The following AFF3 variants were observed in gnomAD, a reference collection of about 807,000 sequenced individuals.
The protein encoded by AFF3 is AF4/FMR2 family member 3.
In AFF3, 32 loss-of-function variants were observed where a neutral mutation model predicts 129.7. The ratio of observed to expected loss-of-function variants is 0.25; its 90% confidence interval spans 0.19 to 0.33. The LOEUF (loss-of-function observed/expected upper bound fraction) is 0.33. Among genes scored for constraint, AFF3 ranks in the 10% least tolerant of loss-of-function variants. The pLI, the probability that AFF3 is intolerant of heterozygous loss-of-function variation, is 1.00. For synonymous variants in AFF3, 644 were observed against 635.4 expected (o/e 1.01, Z -0.20); for missense variants, 1,373 against 1,592.0 (o/e 0.86, Z 2.34).
intron 12 of AFF3, among the ~76,000 whole-genome samples, chr2:99,657,239 GCTCT>G (rs1015593420): frequency 1.3e-5 from 2 of 152,130 alleles, no homozygotes; most frequent in African/African-American, 4.8e-5. Context: ...TGATTTTCTG[GCTCT>G]CTGTCTATCA....
At chr2:99,660,853 G>A (rs560085136) in intron 12 of AFF3, among the ~76,000 whole-genome samples, 1 of 152,308 alleles carries the variant, frequency 6.6e-6, no homozygotes, top group East Asian at 1.9e-4. Context: ...GAATTGGGAA[G>A]TGCCAAGGGA....
At chr2:99,971,650 C>G (rs1678391104) in intron 7 of AFF3, among the ~76,000 whole-genome samples, 2 of 152,084 alleles carry the variant, frequency 1.3e-5, no homozygotes, top group African/African-American at 4.8e-5. Flanking sequence ...AGTTTTGATC[C>G]ACTTTGTATT....
At chr2:100,044,132 G>A (rs1032858554) in intron 4 of AFF3, among the ~76,000 whole-genome samples, 3 of 152,162 alleles carry the variant, frequency 2.0e-5, no homozygotes, top group African/African-American at 4.8e-5. Context: ...GGTGGTGTGC[G>A]GCTGTCTTGA....
intron 18 of AFF3, 106 bp from the exon 19 acceptor site, chr2:99,569,021 C>T (rs1380554903): frequency 9.3e-7 from 1 of 1,080,260 alleles, no homozygotes; most frequent in Non-Finnish European, 1.4e-6. Flanking sequence ...AAAAACTCTG[C>T]TTAATGCGGA....
chr2:99,985,966 C>T (rs1046520019), intron 7 of AFF3, among the ~76,000 whole-genome samples: 3 of 151,872 alleles, frequency 2.0e-5, no homozygotes, highest in South Asian at 2.1e-4. Context: ...TTTGGGAGGC[C>T]GAGGTGGGCG....
chr2:99,782,022 A>C (rs1684449317), intron 8 of AFF3, among the ~76,000 whole-genome samples: 1 of 152,136 alleles, frequency 6.6e-6, no homozygotes, highest in Admixed American at 6.5e-5. Context: ...TATCTGGGGG[A>C]CTTCAGTTCA....
At chr2:99,683,492 C>T (rs552183345) in intron 11 of AFF3, among the ~76,000 whole-genome samples, 7 of 151,854 alleles carry the variant, frequency 4.6e-5, no homozygotes, top group Non-Finnish European at 7.4e-5. Context: ...TTGTTGCCCA[C>T]GCTGGAGTGC....
At chr2:100,046,912 T>C (rs1473223605) in intron 4 of AFF3, among the ~76,000 whole-genome samples, 2 of 152,028 alleles carry the variant, frequency 1.3e-5, no homozygotes, top group Non-Finnish European at 2.9e-5. Context: ...TTTGAAACTA[T>C]TTCAGAATAG....
In AFF3 at chr2:99,561,778, C is replaced by G. The variant is rs539929305; in HGVS notation, c.3120-1342G>C. Among the ~76,000 whole-genome samples the G allele has an allele frequency of 9.9e-5, 15 of 152,060 alleles. No individual in the cohort carries two copies. The South Asian group carries it at 3.1e-3, about 31-fold the overall frequency. On this transcript the variant is annotated intron_variant, in intron 20 of 24. Coordinates refer to ENST00000672756, the MANE Select transcript of AFF3 (RefSeq NM_001386135.1). ...TATGTGTCTGTTCTTCCTTCTTTCC[C>G]AATGCTCCCATATTCCTTCTTTTGT...
intron 13 of AFF3, among the ~76,000 whole-genome samples, chr2:99,627,737 T>C (rs1336289028): frequency 1.1e-4 from 16 of 152,212 alleles, no homozygotes; most frequent in Non-Finnish European, 1.5e-5. Flanking sequence ...CTATCTCGAG[T>C]TGATTTTTGT....
At chr2:100,138,189 C>T (rs1333320404) in intron 1 of AFF3, among the ~76,000 whole-genome samples, 2 of 152,178 alleles carry the variant, frequency 1.3e-5, no homozygotes, top group African/African-American at 4.8e-5. Flanking sequence ...GATGCCTCAC[C>T]ATGCATAGAT....
chr2:99,603,240 A>G (rs1040536213), intron 13 of AFF3, among the ~76,000 whole-genome samples: 2 of 152,136 alleles, frequency 1.3e-5, no homozygotes, highest in East Asian at 3.9e-4. Context: ...ATGAACAAAA[A>G]TCTGTCTTTC....
At chr2:99,993,788 T>G (rs1270536693) in intron 7 of AFF3, among the ~76,000 whole-genome samples, 1 of 144,246 alleles carries the variant, frequency 6.9e-6, no homozygotes, top group Non-Finnish European at 1.5e-5. Context: ...TACAAACACT[T>G]TATCTTTTTT....
chr2:99,653,969 T>C (rs372732133), intron 12 of AFF3, among the ~76,000 whole-genome samples: 44 of 142,840 alleles, frequency 3.1e-4, no homozygotes, highest in East Asian at 2.0e-3. Flanking sequence ...AACCTCTGCC[T>C]CCCTGGTTCA....
chr2:99,962,171 T>C (rs1403752371), intron 7 of AFF3, among the ~76,000 whole-genome samples: 1 of 152,218 alleles, frequency 6.6e-6, no homozygotes, highest in Non-Finnish European at 1.5e-5. Flanking sequence ...GTAGGGAACC[T>C]GGCCTGACAA....
At chr2:99,715,899 C>G (rs1255916195) in intron 11 of AFF3, among the ~76,000 whole-genome samples, 3 of 152,134 alleles carry the variant, frequency 2.0e-5, no homozygotes, top group African/African-American at 7.2e-5. Context: ...GTCTCGATCT[C>G]CTGACCTCGT....
chr2:99,744,018 A>C, intron 10 of AFF3, 86 bp downstream of exon 10: 1 of 1,225,242 alleles, frequency 8.2e-7, no homozygotes, highest in Non-Finnish European at 1.2e-6. Context: ...CCTACTGTCC[A>C]ATGTGTGCTC....
intron 11 of AFF3, chr2:99,707,451 TCA>T: frequency 1.0e-6 from 1 of 985,424 alleles, no homozygotes; most frequent in Non-Finnish European, 1.2e-6. Flanking sequence ...TTTTTGCATT[TCA>T]GCACGAGGCA....
In AFF3 at chr2:99,551,120, A is replaced by T; in HGVS notation, c.*354T>A. 2.3e-6 allele frequency: 1 copy of T among 434,440 alleles called. No homozygotes were observed. Among genetic ancestry groups the T allele is most frequent in the Non-Finnish European group, 4.1e-6 (1 of 245,342 alleles). 26.9% of individuals were successfully genotyped at this position (434,440 alleles called of 1,614,324 possible). On this transcript the variant is annotated 3_prime_UTR_variant, in exon 25 of 25. Transcript: ENST00000672756. The stretch of plus-strand genomic sequence containing the variant: ...ACGGTTTAGCACTGGAATGGAATAG[A>T]AAGTGTGTGTCTGTGATTGTGTGTG...
Sources: allele counts gnomAD v4.1 joint callset (sites outside exome capture counted in the v4.1 genomes callset), GRCh38; gene constraint gnomAD v4.1.1; transcripts MANE v1.5; gene names NCBI Gene and HGNC (gene_info 2026-07-23, HGNC 2026-07-21).